The following LDLRAD4 variants were observed in gnomAD, a reference collection of about 807,000 sequenced individuals.
The protein encoded by LDLRAD4 is low-density lipoprotein receptor class A domain-containing protein 4.
LDLRAD4 carries 5 observed loss-of-function variants against 17.0 expected under a neutral mutation model. That is an observed-to-expected ratio of 0.29 (90% CI 0.15 to 0.62). LDLRAD4 has a LOEUF of 0.62. LDLRAD4 is among the 20% of genes least tolerant of loss of function. The probability of loss-of-function intolerance (pLI) is 0.84; values close to 1 mark genes in which losing one functional copy is unlikely to be tolerated. For synonymous variants in LDLRAD4, 168 were observed against 171.8 expected (o/e 0.98, Z 0.17); for missense variants, 340 against 424.7 (o/e 0.80, Z 1.75).
chr18:13,606,642 A>G (rs552093747), intron 3 of LDLRAD4, among the ~76,000 whole-genome samples: 16 of 152,348 alleles, frequency 1.1e-4, no homozygotes, highest in South Asian at 4.1e-4. Flanking sequence ...AATGTCCACA[A>G]ATATCAAACT....
intron 1 of LDLRAD4, among the ~76,000 whole-genome samples, chr18:13,306,146 G>GA (rs1599277388): frequency 6.6e-6 from 1 of 151,970 alleles, no homozygotes; most frequent in Non-Finnish European, 1.5e-5. Context: ...GTCTATTCTG[G>GA]AAAAAAAAGC....
At chr18:13,376,474 C>T (rs2144979595) in intron 1 of LDLRAD4, among the ~76,000 whole-genome samples, 1 of 152,304 alleles carries the variant, frequency 6.6e-6, no homozygotes, top group African/African-American at 2.4e-5. Context: ...CTGTGGTTTT[C>T]TCTGGTGGAT....
intron 3 of LDLRAD4, among the ~76,000 whole-genome samples, chr18:13,608,313 C>A (rs945383297): frequency 6.6e-6 from 1 of 150,950 alleles, no homozygotes; most frequent in Non-Finnish European, 1.5e-5. Context: ...GTGAAGCACC[C>A]GCGGTGGGGC....
chr18:13,356,434 C>G (rs1353648795), intron 1 of LDLRAD4, among the ~76,000 whole-genome samples: 2 of 152,196 alleles, frequency 1.3e-5, no homozygotes, highest in East Asian at 3.8e-4. Flanking sequence ...TTTTTAGTAT[C>G]TATTTTATTG....
rs948597772 is a variant in LDLRAD4, at chr18:13,385,028, G to A, written c.-382-2313G>A. ...CAGTGGGATTGCTGGATCATATGGT[G>A]ATTCTATTTTTAGTCTTTTGAGGAA... On this transcript the variant is annotated intron_variant, in intron 1 of 5. Transcript: ENST00000359446. Among the ~76,000 whole-genome samples the A allele has an allele frequency of 6.6e-5, 10 of 152,198 alleles. 1 individual carries two copies. The highest frequency in any genetic ancestry group is 1.2e-4 in the African/African-American group (5 of 41,450).
At chr18:13,355,484 T>C (rs1040247050) in intron 1 of LDLRAD4, among the ~76,000 whole-genome samples, 1 of 152,216 alleles carries the variant, frequency 6.6e-6, no homozygotes, top group African/African-American at 2.4e-5. Context: ...TAATGAAATA[T>C]TTGGGTACAT....
chr18:13,341,176 GT>G (rs111280310), intron 1 of LDLRAD4, among the ~76,000 whole-genome samples: 52 of 146,532 alleles, frequency 3.5e-4, no homozygotes, highest in Middle Eastern at 3.5e-3. Flanking sequence ...CTCCAGCTTT[GT>G]TTTTTTTTTC....
intron 4 of LDLRAD4, among the ~76,000 whole-genome samples, chr18:13,628,002 C>T (rs1193837071): frequency 2.6e-5 from 4 of 152,178 alleles, no homozygotes; most frequent in Non-Finnish European, 4.4e-5. Flanking sequence ...CAGATAGAGG[C>T]TCTGAGGTGG....
At chr18:13,402,789 A>G (rs1349839881) in intron 2 of LDLRAD4, among the ~76,000 whole-genome samples, 4 of 152,200 alleles carry the variant, frequency 2.6e-5, no homozygotes, top group Non-Finnish European at 5.9e-5. Flanking sequence ...AATGTCAACC[A>G]GGAAGGAAAT....
At chr18:13,364,925 G>C (rs1366845674) in intron 1 of LDLRAD4, among the ~76,000 whole-genome samples, 2 of 152,174 alleles carry the variant, frequency 1.3e-5, no homozygotes, top group Non-Finnish European at 2.9e-5. Flanking sequence ...AAGAGCACAG[G>C]ATAGTGTCCT....
chr18:13,458,151 GGGGAAGC>G (rs1299445157), intron 3 of LDLRAD4, among the ~76,000 whole-genome samples: 4 of 152,148 alleles, frequency 2.6e-5, no homozygotes, highest in African/African-American at 9.7e-5. Context: ...GCCTGGGCAT[GGGGAAGC>G]ACGGATGAGG....
intron 1 of LDLRAD4, among the ~76,000 whole-genome samples, chr18:13,270,605 G>A (rs888635926): frequency 1.3e-5 from 2 of 152,162 alleles, no homozygotes; most frequent in Non-Finnish European, 2.9e-5. Context: ...AAGTTTATGC[G>A]TAGATGATAC....
At chr18:13,552,463 CT>C (rs2094444365) in intron 3 of LDLRAD4, among the ~76,000 whole-genome samples, 1 of 152,230 alleles carries the variant, frequency 6.6e-6, no homozygotes, top group Admixed American at 6.5e-5. Context: ...GCTTATGCAT[CT>C]TTGAAAATGC....
chr18:13,400,703 G>A (rs537264340), intron 2 of LDLRAD4, among the ~76,000 whole-genome samples: 22 of 152,306 alleles, frequency 1.4e-4, no homozygotes, highest in East Asian at 9.6e-4. Flanking sequence ...GCCTTCTCTC[G>A]CACATTCTTT....
At chr18:13,405,744 A>G (rs1019350162) in intron 2 of LDLRAD4, among the ~76,000 whole-genome samples, 4 of 151,664 alleles carry the variant, frequency 2.6e-5, no homozygotes, top group Admixed American at 6.6e-5. Context: ...CCGAGCCCCT[A>G]TGCGAGCGTT....
At chr18:13,320,239 CT>C (rs1040744240) in intron 1 of LDLRAD4, among the ~76,000 whole-genome samples, 1 of 152,232 alleles carries the variant, frequency 6.6e-6, no homozygotes, top group African/African-American at 2.4e-5. Context: ...AGCTGCATCT[CT>C]GACTTGGCGA....
chr18:13,352,762 C>T (rs2083121106), intron 1 of LDLRAD4, among the ~76,000 whole-genome samples: 1 of 152,054 alleles, frequency 6.6e-6, no homozygotes, highest in Non-Finnish European at 1.5e-5. Context: ...GCTCTGTTCA[C>T]TTTTCTTCAT....
At chr18:13,309,339 C>T (rs932894256) in intron 1 of LDLRAD4, among the ~76,000 whole-genome samples, 2 of 152,154 alleles carry the variant, frequency 1.3e-5, no homozygotes, top group African/African-American at 4.8e-5. Context: ...AATTCATGAG[C>T]CGGATGATGA....
At chr18:13,625,777 C>G (rs1364047964) in intron 4 of LDLRAD4, among the ~76,000 whole-genome samples, 10 of 104,090 alleles carry the variant, frequency 9.6e-5, no homozygotes, top group Non-Finnish European at 1.2e-4. Flanking sequence ...CCCTCCTCCC[C>G]CCGCCAGCAC....
Sources: gnomAD v4.1 joint callset for allele counts (sites outside exome capture counted in the v4.1 genomes callset) on GRCh38, gnomAD v4.1.1 for gene constraint, MANE v1.5 for transcripts, NCBI Gene and HGNC (gene_info 2026-07-23, HGNC 2026-07-21) for gene names.